Variants in HS3ST3A1 observed in about 807,000 individuals in gnomAD.
HS3ST3A1 encodes heparan sulfate glucosamine 3-O-sulfotransferase 3A1.
HS3ST3A1 carries 19 observed loss-of-function variants against 25.7 expected under a neutral mutation model. The ratio of observed to expected loss-of-function variants is 0.74; its 90% CI spans 0.52 to 1.08. The LOEUF is 1.08. HS3ST3A1 is among the 50% of genes least tolerant of loss of function. The probability of loss-of-function intolerance (pLI) is 0.00; values close to 1 mark genes in which losing one functional copy is unlikely to be tolerated. For missense variants in HS3ST3A1, 459 were observed against 594.3 expected (o/e 0.77, Z 2.37); for synonymous variants, 226 against 278.6 (o/e 0.81, Z 1.88).
chr17:13,586,324 G>C (rs975525000), intron 1 of HS3ST3A1, among the ~76,000 whole-genome samples: 2 of 151,250 alleles, frequency 1.3e-5, no homozygotes, highest in Admixed American at 1.3e-4. Context: ...CTCTATCATC[G>C]GTCCTCTAGA....
At chr17:13,501,892 C>T (rs1490502770) in intron 1 of HS3ST3A1, among the ~76,000 whole-genome samples, 2 of 152,180 alleles carry the variant, frequency 1.3e-5, no homozygotes, top group Admixed American at 1.3e-4. Context: ...AGTGAGGATG[C>T]CTGGTTTGAA....
chr17:13,557,991 G>C (rs1907427424), intron 1 of HS3ST3A1, among the ~76,000 whole-genome samples: 2 of 152,170 alleles, frequency 1.3e-5, no homozygotes, highest in Non-Finnish European at 2.9e-5. Flanking sequence ...GTGGTCTAAG[G>C]CCTTTACTTA....
At chr17:13,505,892 C>T (rs563379369) in intron 1 of HS3ST3A1, among the ~76,000 whole-genome samples, 3 of 151,806 alleles carry the variant, frequency 2.0e-5, no homozygotes, top group East Asian at 3.9e-4. Flanking sequence ...GGTGTGGTGG[C>T]GCGTGCCTGT....
Position 13,496,045 on chromosome 17 carries a change from A to C in HS3ST3A1, c.*152T>G. ...ACGTGTTTGGTGTTGGTTATACATT[A>C]AGATGGGGCGGGAGTGAGAACAATC... is the stretch of plus-strand genomic sequence containing the variant. On this transcript the variant is annotated 3_prime_UTR_variant, in exon 2 of 2. Transcript: ENST00000284110. 1.0e-6 allele frequency: 1 copy of C among 952,634 alleles called. No homozygotes were observed. The highest frequency in any genetic ancestry group is 1.5e-6 in the Non-Finnish European group (1 of 672,062). The allele number at this position is 952,634 out of a possible 1,614,324, so 59.0% of individuals were successfully genotyped here. A position where few individuals can be genotyped will look rare whatever the true frequency, so the allele number is the denominator to read the frequency against.
rs112682783 is a variant in HS3ST3A1 at position 13,587,176 on chromosome 17, C to T, written c.599+13355G>A. 1.6e-3 allele frequency among the ~76,000 whole-genome samples: 242 copies of T among 152,020 alleles called. 1 individual carries two copies. Among genetic ancestry groups the T allele is most frequent in the Middle Eastern group, 6.8e-3 (2 of 294 alleles). On this transcript the variant is annotated intron_variant, in intron 1 of 1. Coordinates refer to ENST00000284110, the MANE Select transcript of HS3ST3A1 (RefSeq NM_006042.3). The stretch of plus-strand genomic sequence containing the variant: ...ACATGCCCCTTAATAATCTTTGAGG[C>T]CGGGCACGGTGGTTCACGCCTGTAA...
intron 1 of HS3ST3A1, among the ~76,000 whole-genome samples, chr17:13,507,330 AT>A (rs1338114685): frequency 2.6e-5 from 4 of 152,204 alleles, no homozygotes; most frequent in Non-Finnish European, 4.4e-5. Context: ...AGATGGGGAA[AT>A]AGGCTCAGAG....
intron 1 of HS3ST3A1, among the ~76,000 whole-genome samples, chr17:13,521,363 A>G (rs1906232807): frequency 1.3e-5 from 2 of 152,218 alleles, no homozygotes; most frequent in Admixed American, 1.3e-4. Flanking sequence ...GATGGGGAAT[A>G]AACTGCTGTT....
intron 1 of HS3ST3A1, among the ~76,000 whole-genome samples, chr17:13,536,102 G>A (rs1906763765): frequency 6.6e-6 from 1 of 152,088 alleles, no homozygotes; most frequent in African/African-American, 2.4e-5. Flanking sequence ...TACTTTTATG[G>A]TTAAAATAAG....
At chr17:13,538,646 C>A (rs998341616) in intron 1 of HS3ST3A1, among the ~76,000 whole-genome samples, 2 of 152,002 alleles carry the variant, frequency 1.3e-5, no homozygotes, top group Non-Finnish European at 2.9e-5. Flanking sequence ...CAGGCAAGAT[C>A]CCCCAACCAC....
intron 1 of HS3ST3A1, among the ~76,000 whole-genome samples, chr17:13,582,285 C>A (rs1171764485): frequency 6.6e-6 from 1 of 152,182 alleles, no homozygotes; most frequent in African/African-American, 2.4e-5. Flanking sequence ...TAAAACTGAG[C>A]TAGCATATTC....
chr17:13,496,964 G>T, intron 1 of HS3ST3A1, 146 bp from the exon 2 acceptor site: 2 of 1,068,702 alleles, frequency 1.9e-6, no homozygotes, highest in Non-Finnish European at 2.7e-6. Context: ...GTCGCACAAC[G>T]AGCCCCGCAC....
intron 1 of HS3ST3A1, among the ~76,000 whole-genome samples, chr17:13,520,377 C>G (rs1387610767): frequency 2.0e-5 from 3 of 152,158 alleles, no homozygotes; most frequent in Non-Finnish European, 2.9e-5. Context: ...TGAAGGGAAA[C>G]AAACCTTTGA....
chr17:13,526,681 C>T (rs1045950335), intron 1 of HS3ST3A1, among the ~76,000 whole-genome samples: 17 of 151,452 alleles, frequency 1.1e-4, no homozygotes, highest in African/African-American at 4.1e-4. Flanking sequence ...GAGTTTCGCT[C>T]TTGTTGCCCA....
chr17:13,589,798 G>A (rs959394545), intron 1 of HS3ST3A1, among the ~76,000 whole-genome samples: 5 of 152,178 alleles, frequency 3.3e-5, no homozygotes, highest in East Asian at 1.9e-4. Flanking sequence ...CATGGCTTCC[G>A]TTTAGAAAGG....
intron 1 of HS3ST3A1, among the ~76,000 whole-genome samples, chr17:13,508,071 C>A (rs533363987): frequency 6.6e-6 from 1 of 152,304 alleles, no homozygotes; most frequent in East Asian, 1.9e-4. Flanking sequence ...AGCTCCCACA[C>A]CAACCGAATC....
chr17:13,511,409 GA>G (rs1270670740), intron 1 of HS3ST3A1, among the ~76,000 whole-genome samples: 1 of 151,790 alleles, frequency 6.6e-6, no homozygotes, highest in Non-Finnish European at 1.5e-5. Flanking sequence ...TTAGCTAAGA[GA>G]AAAAAAATCA....
At chr17:13,545,652 A>G (rs966033374) in intron 1 of HS3ST3A1, among the ~76,000 whole-genome samples, 1 of 152,200 alleles carries the variant, frequency 6.6e-6, no homozygotes, top group African/African-American at 2.4e-5. Flanking sequence ...GAGTCCCGGG[A>G]GAAACCTCCG....
At chr17:13,526,474 T>TTTTA (rs1333779426) in intron 1 of HS3ST3A1, among the ~76,000 whole-genome samples, 16 of 76,294 alleles carry the variant, frequency 2.1e-4, no homozygotes, top group South Asian at 1.4e-3. Context: ...ACTTTAATTT[T>TTTTA]TATATATATA....
intron 1 of HS3ST3A1, among the ~76,000 whole-genome samples, chr17:13,510,393 A>G (rs1348068291): frequency 2.0e-5 from 3 of 152,184 alleles, no homozygotes; most frequent in African/African-American, 7.2e-5. Context: ...CAATCTAAGG[A>G]GAGTGGGGAA....
Sources: allele counts gnomAD v4.1 joint callset (sites outside exome capture counted in the v4.1 genomes callset), GRCh38; gene constraint gnomAD v4.1.1; transcripts MANE v1.5; gene names NCBI Gene and HGNC (gene_info 2026-07-23, HGNC 2026-07-21).